Variants in MCTP1 observed in about 807,000 individuals in gnomAD.
MCTP1 encodes multiple C2 and transmembrane domain-containing protein 1.
MCTP1 carries 69 observed loss-of-function variants against 120.6 expected under a neutral mutation model. The ratio of observed to expected loss-of-function variants is 0.57; its 90% CI spans 0.47 to 0.70. The LOEUF (loss-of-function observed/expected upper bound fraction) is 0.70, where lower values mean the gene tolerates loss of function less well. Ranked by LOEUF, MCTP1 falls within the 30% of genes least tolerant of loss-of-function variation. The pLI, the probability that MCTP1 is intolerant of heterozygous loss-of-function variation, is 0.00. For synonymous variants in MCTP1, 529 were observed against 493.1 expected (o/e 1.07, Z -0.96); for missense variants, 1,203 against 1,248.8 (o/e 0.96, Z 0.55).
rs539305846 is a variant in MCTP1 at position 94,958,727 on chromosome 5, T to C, written c.839-5366A>G. Among the ~76,000 whole-genome samples, 84 of 152,292 alleles carry C rather than the reference T, an allele frequency of 5.5e-4. No individual in the cohort carries two copies. The South Asian group carries it at 9.3e-3, about 17-fold the overall frequency. ...CTCCCAAGACTAAACCAGGAGGAAG[T>C]TGAATCCCTGAATAGACCAATAACA... On this transcript the variant is annotated intron_variant, in intron 2 of 22. Transcript: ENST00000515393.
At position 94,704,515 on chromosome 5, in the gene MCTP1, C is replaced by T. The variant is rs963076724; in HGVS notation, c.*2981G>A. 1 of 151,088 alleles carries T rather than the reference C, an allele frequency of 6.6e-6. No homozygotes were observed. Among genetic ancestry groups the T allele is most frequent in the African/African-American group, 2.4e-5 (1 of 41,124 alleles). The allele number at this position is 151,088 out of a possible 1,614,324, so 9.4% of individuals were successfully genotyped here. A position where few individuals can be genotyped will look rare whatever the true frequency, so the allele number is the denominator to read the frequency against. On this transcript the variant is annotated 3_prime_UTR_variant, in exon 23 of 23. Coordinates refer to ENST00000515393, the MANE Select transcript of MCTP1 (RefSeq NM_024717.7). ...ATATGAGATCAAAGTGGAAAAAAAG[C>T]TCCTGTGGTCCCTAGATAAGCATTT...
chr5:94,780,400 T>C (rs1776321482), intron 18 of MCTP1, among the ~76,000 whole-genome samples: 1 of 152,130 alleles, frequency 6.6e-6, no homozygotes, highest in South Asian at 2.1e-4. Context: ...TTTTCTCAAA[T>C]ATTCTAAAAG....
chr5:95,007,124 A>T (rs1834924148), intron 2 of MCTP1, among the ~76,000 whole-genome samples: 1 of 152,164 alleles, frequency 6.6e-6, no homozygotes, highest in African/African-American at 2.4e-5. Flanking sequence ...AATGAGAAAA[A>T]GGGGGGAAAA....
At chr5:95,202,630 A>G (rs1751191317) in intron 1 of MCTP1, among the ~76,000 whole-genome samples, 1 of 152,194 alleles carries the variant, frequency 6.6e-6, no homozygotes, top group Non-Finnish European at 1.5e-5. Flanking sequence ...TCCCCTAGAA[A>G]GTATCAAAAT....
At chr5:95,055,314 T>C (rs1747094135) in intron 1 of MCTP1, among the ~76,000 whole-genome samples, 1 of 152,220 alleles carries the variant, frequency 6.6e-6, no homozygotes, top group Non-Finnish European at 1.5e-5. Context: ...TTCTATAGAA[T>C]ATATACAGGC....
rs114024111 is a variant in MCTP1 at position 95,241,757 on chromosome 5, T to C, written c.720+42099A>G. Among the ~76,000 whole-genome samples, 482 of 152,306 alleles carry C rather than the reference T, an allele frequency of 3.2e-3. 9 individuals are homozygous for C. Among genetic ancestry groups the C allele is most frequent in the African/African-American group, 0.011 (462 of 41,570 alleles). ...CTGTAAAACTCCATTTACACTGGCA[T>C]TACAGTCTATTTCTACCTGGCAGCA... On this transcript the variant is annotated intron_variant, in intron 1 of 22. Coordinates refer to ENST00000515393, the MANE Select transcript of MCTP1 (RefSeq NM_024717.7).
chr5:94,821,345 A>C (rs1446556441), intron 17 of MCTP1, among the ~76,000 whole-genome samples: 1 of 152,188 alleles, frequency 6.6e-6, no homozygotes, highest in Non-Finnish European at 1.5e-5. Context: ...AATATCAAGA[A>C]AATTGTGAAT....
At chr5:95,102,882 C>T (rs967940662) in intron 1 of MCTP1, among the ~76,000 whole-genome samples, 7 of 152,074 alleles carry the variant, frequency 4.6e-5, no homozygotes, top group African/African-American at 1.4e-4. Context: ...AAACTGGAAC[C>T]GGAGTAAGAC....
chr5:95,137,009 A>C (rs1386613397), intron 1 of MCTP1, among the ~76,000 whole-genome samples: 4 of 152,198 alleles, frequency 2.6e-5, no homozygotes, highest in Non-Finnish European at 5.9e-5. Context: ...TAGGTTTAAA[A>C]CCTCAACAAT....
At chr5:94,910,303 A>G (rs181041099) in intron 9 of MCTP1, among the ~76,000 whole-genome samples, 8 of 150,950 alleles carry the variant, frequency 5.3e-5, no homozygotes, top group Admixed American at 4.6e-4. Context: ...CTGAAATGTA[A>G]TTCTGTAACT....
intron 1 of MCTP1, among the ~76,000 whole-genome samples, chr5:95,137,827 G>A (rs1759559305): frequency 6.6e-6 from 1 of 152,132 alleles, no homozygotes; most frequent in Admixed American, 6.5e-5. Flanking sequence ...ACCAAAAAAG[G>A]CTGTTTCCCT....
intron 1 of MCTP1, among the ~76,000 whole-genome samples, chr5:95,143,100 C>G (rs990154805): frequency 6.6e-6 from 1 of 152,132 alleles, no homozygotes; most frequent in Non-Finnish European, 1.5e-5. Flanking sequence ...AAGACAGTTA[C>G]CATGTATTAT....
rs1810518720 is a variant in MCTP1 at position 94,917,893 on chromosome 5, T to C, written c.1350+3A>G. The stretch of plus-strand genomic sequence containing the variant: ...AATAAATGAACTGAATGGTTGAACT[T>C]ACTTGTACATTTTTGCAATAAGGAT... On this transcript the variant is annotated splice_donor_region_variant and intron_variant, in intron 8 of 22. Transcript: ENST00000515393. 3.7e-6 allele frequency: 6 copies of C among 1,611,910 alleles called. No individual in the cohort carries two copies. The highest frequency in any genetic ancestry group is 5.1e-6 in the Non-Finnish European group (6 of 1,178,030).
intron 2 of MCTP1, among the ~76,000 whole-genome samples, chr5:95,010,351 T>A (rs1288025281): frequency 6.6e-6 from 1 of 152,134 alleles, no homozygotes; most frequent in Non-Finnish European, 1.5e-5. Flanking sequence ...CTCTCAACAT[T>A]ATATTCTACA....
chr5:94,878,563 AACTG>A (rs1282457720), intron 12 of MCTP1, among the ~76,000 whole-genome samples: 1 of 152,104 alleles, frequency 6.6e-6, no homozygotes, highest in Non-Finnish European at 1.5e-5. Flanking sequence ...CCTGGAATAA[AACTG>A]ACTGACACAC....
At chr5:94,856,005 T>G (rs1794663561) in intron 17 of MCTP1, among the ~76,000 whole-genome samples, 1 of 151,782 alleles carries the variant, frequency 6.6e-6, no homozygotes, top group Non-Finnish European at 1.5e-5. Flanking sequence ...AGTGTAAAAT[T>G]ACTTTTTAAA....
chr5:95,065,209 C>A (rs911131572), intron 1 of MCTP1, among the ~76,000 whole-genome samples: 1 of 151,744 alleles, frequency 6.6e-6, no homozygotes, highest in South Asian at 2.1e-4. Context: ...CCTAAGAAAT[C>A]ATTTCAAAAT....
intron 19 of MCTP1, among the ~76,000 whole-genome samples, chr5:94,760,189 A>G (rs1326470821): frequency 6.6e-6 from 1 of 152,162 alleles, no homozygotes; most frequent in Non-Finnish European, 1.5e-5. Flanking sequence ...ACATGGTGCA[A>G]AAGGTGACAC....
At chr5:95,092,870 T>G (rs1462198943) in intron 1 of MCTP1, among the ~76,000 whole-genome samples, 1 of 152,214 alleles carries the variant, frequency 6.6e-6, no homozygotes. Context: ...AGGCAGACAG[T>G]GGACCTCTAA....
Sources: gnomAD v4.1 joint callset for allele counts (sites outside exome capture counted in the v4.1 genomes callset) on GRCh38, gnomAD v4.1.1 for gene constraint, MANE v1.5 for transcripts, NCBI Gene and HGNC (gene_info 2026-07-23, HGNC 2026-07-21) for gene names.